The following USH2A variants were observed in gnomAD, a reference collection of about 807,000 sequenced individuals.
USH2A encodes Usher syndrome 2A (autosomal recessive, mild).
Under a neutral mutation model 538.9 loss-of-function variants are expected in USH2A, and 443 were observed. That is an observed-to-expected ratio of 0.82 (90% CI 0.76 to 0.89). The LOEUF (loss-of-function observed/expected upper bound fraction) is 0.89, where lower values mean the gene tolerates loss of function less well. Among genes scored for constraint, USH2A ranks in the 40% least tolerant of loss-of-function variants. The probability of loss-of-function intolerance (pLI) is 0.00; values close to 1 mark genes in which losing one functional copy is unlikely to be tolerated. For synonymous variants in USH2A, 2,413 were observed against 2,273.5 expected, an observed-to-expected ratio of 1.06 and a Z score of -1.75; for missense variants, 6,633 against 6,324.8, an observed-to-expected ratio of 1.05 and a Z score of -1.65.
intron 9 of USH2A, among the ~76,000 whole-genome samples, chr1:216,308,709 A>G (rs1389060604): frequency 6.6e-6 from 1 of 152,208 alleles, no homozygotes. Flanking sequence ...CTGGTTCTAT[A>G]AAATTCTGCT....
intron 11 of USH2A, among the ~76,000 whole-genome samples, chr1:216,255,630 T>C (rs2036243412): frequency 6.6e-6 from 1 of 152,264 alleles, no homozygotes; most frequent in South Asian, 2.1e-4. Flanking sequence ...TATTGAGGCT[T>C]GTGTTATGGT....
chr1:215,779,426 C>T (rs1022412514), intron 55 of USH2A, among the ~76,000 whole-genome samples: 2 of 152,140 alleles, frequency 1.3e-5, no homozygotes, highest in Non-Finnish European at 2.9e-5. Context: ...GTCAACTAGT[C>T]CTGTGTATTA....
At chr1:216,387,306 C>G (rs2039024217) in intron 3 of USH2A, among the ~76,000 whole-genome samples, 1 of 152,006 alleles carries the variant, frequency 6.6e-6, no homozygotes, top group Admixed American at 6.6e-5. Flanking sequence ...ACCTCAAGGA[C>G]AATGACATTT....
At chr1:216,359,555 T>G (rs951853817) in intron 4 of USH2A, among the ~76,000 whole-genome samples, 3 of 152,022 alleles carry the variant, frequency 2.0e-5, no homozygotes, top group Admixed American at 2.0e-4. Context: ...ACCTTCTTTT[T>G]TAAAACTAGA....
chr1:215,781,960 G>A, intron 54 of USH2A, 82 bp downstream of exon 54: 1 of 1,588,924 alleles, frequency 6.3e-7, no homozygotes, highest in Non-Finnish European at 8.6e-7. Context: ...TTTCTTCAAT[G>A]AAAAAAGCAG....
In USH2A at chr1:215,954,309, C is replaced by T. The variant is rs1388168719; in HGVS notation, c.7120+11008G>A. On this transcript the variant is annotated intron_variant, in intron 37 of 71. Transcript: ENST00000307340. ...ATTCACAATAGCAAAGACTTGGAAC[C>T]AACCCAAATGTCCAACAATGATAGA... Among the ~76,000 whole-genome samples the T allele has an allele frequency of 3.9e-5, 6 of 151,970 alleles. No individual in the cohort carries two copies. The East Asian group carries it at 9.7e-4, about 24-fold the overall frequency.
chr1:216,338,768 A>T (rs879003481), intron 4 of USH2A, among the ~76,000 whole-genome samples: 1 of 151,652 alleles, frequency 6.6e-6, no homozygotes, highest in Admixed American at 6.6e-5. Context: ...CGAAAACTCA[A>T]ATGCCATATG....
chr1:216,028,564 T>C (rs1473922977), intron 32 of USH2A, among the ~76,000 whole-genome samples: 1 of 151,850 alleles, frequency 6.6e-6, no homozygotes, highest in Non-Finnish European at 1.5e-5. Flanking sequence ...TGCTGGAAAA[T>C]ATATCTAAAT....
intron 3 of USH2A, among the ~76,000 whole-genome samples, chr1:216,389,966 C>T (rs1394943329): frequency 6.6e-6 from 1 of 151,748 alleles, no homozygotes; most frequent in Non-Finnish European, 1.5e-5. Flanking sequence ...AGTACATTTA[C>T]TAGCTGTCAG....
intron 21 of USH2A, among the ~76,000 whole-genome samples, chr1:216,167,326 C>T (rs1218821927): frequency 6.6e-6 from 1 of 152,074 alleles, no homozygotes; most frequent in Non-Finnish European, 1.5e-5. Context: ...ACAGCCAGTG[C>T]CAGGGAAAGG....
At chr1:216,284,914 C>T (rs1199570956) in intron 11 of USH2A, among the ~76,000 whole-genome samples, 1 of 152,032 alleles carries the variant, frequency 6.6e-6, no homozygotes, top group African/African-American at 2.4e-5. Context: ...TGGCATTTTG[C>T]CCCTCCCCTG....
chr1:216,409,645 T>C (rs1340733597), intron 3 of USH2A, among the ~76,000 whole-genome samples: 1 of 152,116 alleles, frequency 6.6e-6, no homozygotes, highest in Non-Finnish European at 1.5e-5. Flanking sequence ...GACTCCCTAT[T>C]CAATAAATGT....
At chr1:216,281,398 G>A (rs1002598514) in intron 11 of USH2A, among the ~76,000 whole-genome samples, 2 of 151,982 alleles carry the variant, frequency 1.3e-5, no homozygotes, top group Admixed American at 1.3e-4. Context: ...AACCAAAAAA[G>A]TTAACATTTT....
intron 59 of USH2A, 65 bp from the exon 60 acceptor site, chr1:215,741,602 A>G: frequency 6.4e-7 from 1 of 1,561,846 alleles, no homozygotes. Flanking sequence ...ACATATTCAT[A>G]CAGAAGGGTA....
chr1:216,405,485 A>G (rs1558074133), intron 3 of USH2A, among the ~76,000 whole-genome samples: 1 of 152,248 alleles, frequency 6.6e-6, no homozygotes, highest in Non-Finnish European at 1.5e-5. Flanking sequence ...CCACAGTGAT[A>G]TATTATCTAT....
At chr1:216,348,405 A>G (rs989926436) in intron 4 of USH2A, among the ~76,000 whole-genome samples, 2 of 152,092 alleles carry the variant, frequency 1.3e-5, no homozygotes, top group African/African-American at 4.8e-5. Context: ...CTGACCTGTG[A>G]TAAGTAAAGA....
In USH2A at chr1:216,201,680, G is replaced by A. The variant is rs188111607; in HGVS notation, c.3317-1559C>T. On this transcript the variant is annotated intron_variant, in intron 16 of 71. Coordinates refer to ENST00000307340, the MANE Select transcript of USH2A (RefSeq NM_206933.4). ...CGACTGCTCAGTGGAGGAGGCCTCCGCTGGTGTTGTGGGGGGCACCTTGGG... is the reference window on the plus strand; with the variant it reads ...CGACTGCTCAGTGGAGGAGGCCTCCACTGGTGTTGTGGGGGGCACCTTGGG... 1.2e-3 allele frequency: 249 copies of A among 201,278 alleles called. 1 individual carries two copies. Among genetic ancestry groups the A allele is most frequent in the African/African-American group, 5.4e-3 (231 of 42,510 alleles). 12.5% of individuals were successfully genotyped at this position (201,278 alleles called of 1,614,324 possible). A position where few individuals can be genotyped will look rare whatever the true frequency, so the allele number is the denominator to read the frequency against.
At chr1:215,897,696 G>A (rs866838657) in intron 40 of USH2A, among the ~76,000 whole-genome samples, 3 of 142,598 alleles carry the variant, frequency 2.1e-5, no homozygotes, top group Non-Finnish European at 4.5e-5. Context: ...CTCAAAAAAT[G>A]AAGGAAAGGA....
At chr1:216,387,402 C>G (rs1033285499) in intron 3 of USH2A, among the ~76,000 whole-genome samples, 1 of 152,134 alleles carries the variant, frequency 6.6e-6, no homozygotes, top group African/African-American at 2.4e-5. Context: ...TATAGCTGAT[C>G]TGATGAAAAA....
Sources: gnomAD v4.1 joint callset for allele counts (sites outside exome capture counted in the v4.1 genomes callset) on GRCh38, gnomAD v4.1.1 for gene constraint, MANE v1.5 for transcripts, NCBI Gene and HGNC (gene_info 2026-07-23, HGNC 2026-07-21) for gene names.